CEP70: variants seen among roughly 807,000 people sequenced by gnomAD.
CEP70 encodes the protein centrosomal protein of 70 kDa.
A neutral mutation model predicts 90.9 loss-of-function variants in CEP70; 70 were observed. The ratio of observed to expected loss-of-function variants is 0.77; its 90% confidence interval spans 0.64 to 0.94. The LOEUF (loss-of-function observed/expected upper bound fraction) is 0.94. Among genes scored for constraint, CEP70 ranks in the 40% least tolerant of loss-of-function variants. The pLI is 0.00. For missense variants in CEP70, 648 were observed against 669.0 expected, an observed-to-expected ratio of 0.97 and a Z score of 0.35; for synonymous variants, 220 against 228.3, an observed-to-expected ratio of 0.96 and a Z score of 0.33.
At chr3:138,496,360 A>G in intron 17 of CEP70, 1 of 985,426 alleles carries the variant, frequency 1.0e-6, no homozygotes, top group Non-Finnish European at 1.2e-6. Context: ...GTCTGAACCC[A>G]CTAACAAAGC....
chr3:138,552,546 G>A (rs1200605900), intron 6 of CEP70, among the ~76,000 whole-genome samples: 1 of 151,958 alleles, frequency 6.6e-6, no homozygotes, highest in Non-Finnish European at 1.5e-5. Context: ...GCAAATACAT[G>A]GAAATTAAAT....
intron 2 of CEP70, among the ~76,000 whole-genome samples, chr3:138,583,332 G>A (rs1312471639): frequency 2.6e-5 from 4 of 152,106 alleles, no homozygotes; most frequent in Non-Finnish European, 5.9e-5. Context: ...ATTAGAGCTC[G>A]AGAGATAAAT....
At chr3:138,514,425 A>C (rs2035817690) in intron 11 of CEP70, among the ~76,000 whole-genome samples, 1 of 152,196 alleles carries the variant, frequency 6.6e-6, no homozygotes, top group Non-Finnish European at 1.5e-5. Flanking sequence ...ATCTGATTGA[A>C]TCTGATTGAA....
At chr3:138,524,793 G>A (rs2037040734) in intron 11 of CEP70, among the ~76,000 whole-genome samples, 1 of 152,132 alleles carries the variant, frequency 6.6e-6, no homozygotes, top group African/African-American at 2.4e-5. Context: ...TGGAGAAATA[G>A]GAACACTTTT....
intron 13 of CEP70, among the ~76,000 whole-genome samples, chr3:138,505,093 A>T (rs1287315216): frequency 6.6e-6 from 1 of 152,208 alleles, no homozygotes. Context: ...CAGTAATGAC[A>T]ACATCAAATA....
intron 6 of CEP70, among the ~76,000 whole-genome samples, chr3:138,560,785 TC>T (rs1334260418): frequency 6.6e-6 from 1 of 151,970 alleles, no homozygotes; most frequent in Non-Finnish European, 1.5e-5. Context: ...GCACCACAGC[TC>T]AGCAAGGCTG....
At chr3:138,561,838 C>A (rs1185133140) in intron 6 of CEP70, among the ~76,000 whole-genome samples, 1 of 151,720 alleles carries the variant, frequency 6.6e-6, no homozygotes, top group Non-Finnish European at 1.5e-5. Context: ...TCCTGGCTAA[C>A]ACAGTGAAAC....
intron 6 of CEP70, among the ~76,000 whole-genome samples, chr3:138,564,913 G>C (rs543448714): frequency 6.6e-6 from 1 of 152,296 alleles, no homozygotes; most frequent in Non-Finnish European, 1.5e-5. Flanking sequence ...AATTGTCTCT[G>C]TTTGCAGATG....
intron 8 of CEP70, among the ~76,000 whole-genome samples, chr3:138,529,768 T>A (rs2037641607): frequency 6.6e-6 from 1 of 152,224 alleles, no homozygotes; most frequent in East Asian, 1.9e-4. Context: ...GAAAAAGCAC[T>A]GCTGAATAAA....
In CEP70 at chr3:138,563,532, G is replaced by C. The variant is rs150439650; in HGVS notation, c.465+6786C>G. On this transcript the variant is annotated intron_variant, in intron 6 of 17. Coordinates refer to ENST00000264982, the MANE Select transcript of CEP70 (RefSeq NM_024491.4). ...ACAGTGCAATCAACTTAGAACTAAG[G>C]ATTAAGAAACTCACTCAAAACCACT... 3.8e-3 allele frequency among the ~76,000 whole-genome samples: 585 copies of C among 152,256 alleles called. 2 individuals are homozygous for C. Among genetic ancestry groups the C allele is most frequent in the African/African-American group, 0.014 (571 of 41,538 alleles).
At chr3:138,513,028 C>G (rs2108743595) in intron 11 of CEP70, among the ~76,000 whole-genome samples, 1 of 152,322 alleles carries the variant, frequency 6.6e-6, no homozygotes, top group East Asian at 1.9e-4. Context: ...CAGTGCCAAA[C>G]TCTGAAGGCA....
At chr3:138,582,133 GT>G (rs1347593478) in intron 2 of CEP70, among the ~76,000 whole-genome samples, 1 of 152,080 alleles carries the variant, frequency 6.6e-6, no homozygotes, top group Non-Finnish European at 1.5e-5. Context: ...AGAAAACGAC[GT>G]TAATGAGCAG....
rs1403253539 is a variant in CEP70 at position 138,519,891 on chromosome 3, T to C, written c.944+5599A>G. On this transcript the variant is annotated intron_variant, in intron 11 of 17. Transcript: ENST00000264982. ...CAATTAAAAGACACAGACTGGCAAA[T>C]TGGATAAAGAGTCAAGACCCATCAG... Among the ~76,000 whole-genome samples the C allele has an allele frequency of 3.4e-4, 51 of 152,040 alleles. 2 individuals are homozygous for C. Among genetic ancestry groups the C allele is most frequent in the Non-Finnish European group, 1.0e-4 (7 of 68,008 alleles).
chr3:138,576,034 T>C (rs532210260), intron 2 of CEP70, among the ~76,000 whole-genome samples: 2 of 151,948 alleles, frequency 1.3e-5, no homozygotes, highest in East Asian at 1.9e-4. Flanking sequence ...TAGGAAGAAA[T>C]TGCATCAACT....
At chr3:138,591,655 G>C (rs2042389469) in intron 2 of CEP70, among the ~76,000 whole-genome samples, 199 bp downstream of exon 2, 1 of 152,200 alleles carries the variant, frequency 6.6e-6, no homozygotes, top group Non-Finnish European at 1.5e-5. Context: ...TTGGTGATCA[G>C]CTTTCTGTGT....
At chr3:138,565,512 C>T (rs539153262) in intron 6 of CEP70, among the ~76,000 whole-genome samples, 1 of 152,132 alleles carries the variant, frequency 6.6e-6, no homozygotes, top group Non-Finnish European at 1.5e-5. Flanking sequence ...TGGGACAGAA[C>T]AGAGGCCACA....
At position 138,498,143 on chromosome 3, in the gene CEP70, T is replaced by C. The variant is rs112140750; in HGVS notation, c.1653-33A>G. On this transcript the variant is annotated intron_variant, in intron 16 of 17. Transcript: ENST00000264982. The stretch of plus-strand genomic sequence containing the variant: ...AAAAATGCACAATTTAAACCTGATT[T>C]CTAACTTTGGGTTCTTGCATCTGAT... 7.0e-3 allele frequency: 10,990 copies of C among 1,559,664 alleles called. 49 individuals carry two copies. The highest frequency in any genetic ancestry group is 8.6e-3 in the Non-Finnish European group (9,760 of 1,138,556).
chr3:138,558,191 C>G (rs534417634), intron 6 of CEP70, among the ~76,000 whole-genome samples: 2 of 152,230 alleles, frequency 1.3e-5, no homozygotes, highest in South Asian at 2.1e-4. Flanking sequence ...ATGGTGAAAC[C>G]CTGTTTCCAC....
Position 138,532,567 on chromosome 3 carries a change from C to A in CEP70, c.639G>T (p.Leu213Phe). 1.3e-6 allele frequency: 2 copies of A among 1,495,656 alleles called. No homozygotes were observed. The highest frequency in any genetic ancestry group is 1.8e-6 in the Non-Finnish European group (2 of 1,119,884). The allele number at this position is 1,495,656 out of a possible 1,614,324, so 92.6% of individuals were successfully genotyped here. Residue 213 changes from leucine (L) to phenylalanine (F), a missense_variant, in exon 8 of 18, where the codon TTG (leucine) becomes TTT (phenylalanine). Transcript: ENST00000264982. ...RVPHTVLDRQ[L>F]LCLIDYYESK... ...ATTCATAGTAATCAATTAGACAAAGCAACCTAGAAAACAGAATATTGAATT... is the reference window on the plus strand; with the variant it reads ...ATTCATAGTAATCAATTAGACAAAGAAACCTAGAAAACAGAATATTGAATT...
Sources: allele counts gnomAD v4.1 joint callset (sites outside exome capture counted in the v4.1 genomes callset), GRCh38; gene constraint gnomAD v4.1.1; transcripts MANE v1.5; gene names NCBI Gene and HGNC (gene_info 2026-07-23, HGNC 2026-07-21).